TPTE2: variants seen among roughly 807,000 people sequenced by gnomAD.
TPTE2 encodes transmembrane phosphoinositide 3-phosphatase and tensin homolog 2.
Under a neutral mutation model 78.6 loss-of-function variants are expected in TPTE2, and 53 were observed. That is an observed-to-expected ratio of 0.67 (90% CI 0.54 to 0.85). The LOEUF (loss-of-function observed/expected upper bound fraction) is 0.85, where lower values mean the gene tolerates loss of function less well. TPTE2 is among the 40% of genes least tolerant of loss of function. The probability of loss-of-function intolerance (pLI) is 0.00; values close to 1 mark genes in which losing one functional copy is unlikely to be tolerated. For missense variants in TPTE2, 461 were observed against 623.0 expected (o/e 0.74, Z 2.77); for synonymous variants, 175 against 206.2 (o/e 0.85, Z 1.30).
intron 13 of TPTE2, among the ~76,000 whole-genome samples, chr13:19,443,397 C>CTTTTTTTTTTTTTTTTTTT (rs71092357): frequency 7.7e-6 from 1 of 129,912 alleles, no homozygotes; most frequent in African/African-American, 2.7e-5. Context: ...TTCTTTCTTT[C>CTTTTTTTTTTTTTTTTTTT]TTTTTTTTTT....
chr13:19,493,465 C>T (rs747848152), exon 2 of TPTE2: 9 of 1,613,778 alleles, frequency 5.6e-6, no homozygotes, highest in South Asian at 1.1e-5. Flanking sequence ...TCGCAGGTGC[C>T]TCCTCGGTTG....
chr13:19,488,565 T>C (rs1250316820), intron 3 of TPTE2, among the ~76,000 whole-genome samples: 1 of 152,238 alleles, frequency 6.6e-6, no homozygotes, highest in African/African-American at 2.4e-5. Context: ...TAGAGATGGC[T>C]TCTTTCCTTA....
At chr13:19,549,485 T>A in the TPTE2 span, among the ~76,000 whole-genome samples, 2 of 152,112 alleles carry the variant, frequency 1.3e-5, no homozygotes, top group African/African-American at 4.8e-5. Flanking sequence ...ATGACTATTA[T>A]TAAAAAATCG....
intron 1 of TPTE2, 104 bp downstream of exon 4, chr13:19,503,120 C>T: frequency 6.7e-7 from 1 of 1,501,182 alleles, no homozygotes; most frequent in Non-Finnish European, 9.2e-7. Context: ...TGGATGGATG[C>T]ATGGATGCAT....
chr13:19,543,195 G>A, the TPTE2 span, among the ~76,000 whole-genome samples: 1 of 151,902 alleles, frequency 6.6e-6, no homozygotes, highest in Non-Finnish European at 1.5e-5. Context: ...GGGACTACAG[G>A]AGTGTGCCAC....
intron 3 of TPTE2, among the ~76,000 whole-genome samples, chr13:19,487,094 G>T (rs1880706076): frequency 6.6e-6 from 1 of 152,214 alleles, no homozygotes; most frequent in South Asian, 2.1e-4. Context: ...AGGTTGCACA[G>T]CTGCTTAGTT....
At chr13:19,461,489 C>T (rs1377323531) in intron 10 of TPTE2, among the ~76,000 whole-genome samples, 1 of 152,082 alleles carries the variant, frequency 6.6e-6, no homozygotes, top group Non-Finnish European at 1.5e-5. Flanking sequence ...ACTATAGTCA[C>T]CCTACAGCAC....
chr13:19,463,902 T>A (rs939613429), intron 10 of TPTE2, among the ~76,000 whole-genome samples: 4 of 152,200 alleles, frequency 2.6e-5, no homozygotes, highest in African/African-American at 9.6e-5. Context: ...CTTTGCTAGC[T>A]GTGGGGTATT....
chr13:19,503,338 G>A (rs770558353), upstream of TPTE2: 24 of 1,556,658 alleles, frequency 1.5e-5, no homozygotes, highest in East Asian at 6.8e-5. Context: ...TACTTTTCTC[G>A]TAAAACTAGC....
At chr13:19,437,555 G>A (rs1877186406) in intron 14 of TPTE2, among the ~76,000 whole-genome samples, 1 of 152,158 alleles carries the variant, frequency 6.6e-6, no homozygotes, top group Admixed American at 6.6e-5. Context: ...GATGGGCAAG[G>A]CTCTTTGGAG....
chr13:19,543,889 C>T, the TPTE2 span, among the ~76,000 whole-genome samples: 1 of 150,884 alleles, frequency 6.6e-6, no homozygotes, highest in African/African-American at 2.4e-5. Flanking sequence ...ATGGCGAAAC[C>T]CTGTCTCTAC....
intron 10 of TPTE2, among the ~76,000 whole-genome samples, chr13:19,453,635 C>T (rs138621762): frequency 0.011 from 1,583 of 150,530 alleles, 15 homozygotes; most frequent in Non-Finnish European, 0.016. Flanking sequence ...ACTGCAAATA[C>T]CTCTTATCCA....
At chr13:19,452,672 G>A (rs868291922) in intron 10 of TPTE2, among the ~76,000 whole-genome samples, 10 of 152,032 alleles carry the variant, frequency 6.6e-5, no homozygotes, top group African/African-American at 2.4e-4. Context: ...TCCAATGCTG[G>A]CAAAATAAGG....
Position 19,451,290 on chromosome 13 carries a change from G to A in TPTE2, c.742-65C>T, listed in dbSNP as rs529116491. On this transcript the variant is annotated intron_variant, in intron 10 of 19. Transcript: ENST00000400230. ...ACCAACACAAGCTATTTCCTAGGGG[G>A]AACCTAAAATGGTTATTACTTTTAT... 78 of 1,600,320 alleles carry A rather than the reference G, an allele frequency of 4.9e-5. No individual in the cohort carries two copies. In the South Asian group the frequency reaches 7.5e-4, roughly 15 times the overall value.
chr13:19,495,263 G>A (rs1339243030), intron 1 of TPTE2, among the ~76,000 whole-genome samples: 1 of 152,196 alleles, frequency 6.6e-6, no homozygotes, highest in Non-Finnish European at 1.5e-5. Context: ...AAGGCAGTCA[G>A]CCTCACATAA....
intron 1 of TPTE2, among the ~76,000 whole-genome samples, chr13:19,508,390 G>T (rs1273834269): frequency 1.3e-5 from 2 of 152,058 alleles, no homozygotes; most frequent in Non-Finnish European, 2.9e-5. Context: ...CACTGACCAA[G>T]ATTTTAAAGT....
At chr13:19,495,005 T>TTATA (rs1881220049) in intron 1 of TPTE2, among the ~76,000 whole-genome samples, 1 of 152,026 alleles carries the variant, frequency 6.6e-6, no homozygotes, top group African/African-American at 2.4e-5. Flanking sequence ...TAGTGATGCA[T>TTATA]CCAGATTAAG....
upstream of TPTE2, among the ~76,000 whole-genome samples, chr13:19,537,422 A>G (rs956887336): frequency 2.6e-5 from 4 of 151,228 alleles, no homozygotes; most frequent in Non-Finnish European, 5.9e-5. Context: ...TAGTAGAGAC[A>G]GGGTTTCACC....
chr13:19,475,467 C>T, intron 5 of TPTE2, 106 bp downstream of exon 8: 1 of 1,286,402 alleles, frequency 7.8e-7, no homozygotes, highest in Non-Finnish European at 1.1e-6. Flanking sequence ...TTCATGTGAT[C>T]TGCCCGCCTC....
Sources: allele counts gnomAD v4.1 joint callset (sites outside exome capture counted in the v4.1 genomes callset), GRCh38; gene constraint gnomAD v4.1.1; transcripts MANE v1.5; gene names NCBI Gene and HGNC (gene_info 2026-07-23, HGNC 2026-07-21).